TOMM70: variants seen among roughly 807,000 people sequenced by gnomAD.
TOMM70 encodes the protein mitochondrial import receptor subunit TOM70.
TOMM70 carries 13 observed loss-of-function variants against 73.6 expected under a neutral mutation model. The observed-to-expected ratio is 0.18, with a 90% CI of 0.11 to 0.28. TOMM70 has a LOEUF of 0.28. Ranked by LOEUF, TOMM70 falls within the 10% of genes least tolerant of loss-of-function variation. The pLI is 1.00. For synonymous variants in TOMM70, 257 were observed against 271.2 expected (o/e 0.95, Z 0.51); for missense variants, 609 against 747.5 (o/e 0.81, Z 2.16).
chr3:100,384,222 C>T (rs1368588965), intron 4 of TOMM70, among the ~76,000 whole-genome samples: 2 of 152,198 alleles, frequency 1.3e-5, no homozygotes, highest in African/African-American at 4.8e-5. Flanking sequence ...CTGGATTTGG[C>T]CTATGGGCCA....
At chr3:100,385,818 C>T (rs1056570076) in intron 3 of TOMM70, among the ~76,000 whole-genome samples, 9 of 152,148 alleles carry the variant, frequency 5.9e-5, no homozygotes, top group Non-Finnish European at 7.4e-5. Flanking sequence ...TGATTCATCT[C>T]AAAGCTATGT....
intron 5 of TOMM70, among the ~76,000 whole-genome samples, chr3:100,381,412 A>C (rs986123896): frequency 6.6e-6 from 1 of 152,162 alleles, no homozygotes; most frequent in Non-Finnish European, 1.5e-5. Context: ...ACCCTGAGTT[A>C]CCAGAGAAGT....
At chr3:100,368,952 C>T (rs1248258801) in intron 10 of TOMM70, 86 bp downstream of exon 10, 12 of 897,716 alleles carry the variant, frequency 1.3e-5, no homozygotes, top group Non-Finnish European at 2.1e-5. Context: ...CTACCACAGT[C>T]CCCTTCCTCA....
chr3:100,377,402 A>G (rs1164573553), intron 6 of TOMM70: 4 of 267,992 alleles, frequency 1.5e-5, no homozygotes, highest in East Asian at 7.5e-5. Flanking sequence ...ACAGAATTGC[A>G]TATCACCTTT....
At chr3:100,380,439 G>A (rs1706620675) in intron 5 of TOMM70, among the ~76,000 whole-genome samples, 1 of 152,090 alleles carries the variant, frequency 6.6e-6, no homozygotes, top group African/African-American at 2.4e-5. Context: ...TTATTTATAA[G>A]CATGATTTCT....
intron 1 of TOMM70, among the ~76,000 whole-genome samples, chr3:100,390,263 G>C (rs931582329): frequency 1.3e-5 from 2 of 152,202 alleles, no homozygotes; most frequent in Admixed American, 1.3e-4. Context: ...CTGTAGACTA[G>C]TGTAGGAAAC....
Position 100,377,942 on chromosome 3 carries a change from T to C in TOMM70, c.885-30A>G, listed in dbSNP as rs557676360. 6.3e-6 allele frequency: 10 copies of C among 1,588,038 alleles called. No individual in the cohort carries two copies. In the Admixed American group the frequency reaches 1.3e-4, roughly 21 times the overall value. ...AAATAAAAACAAACATAGGAAATTA[T>C]TTACTAAGAAAAAATTAAATGTGGC... On this transcript the variant is annotated intron_variant, in intron 5 of 11. Coordinates refer to ENST00000284320, the MANE Select transcript of TOMM70 (RefSeq NM_014820.5).
chr3:100,387,489 T>C (rs1706704951), intron 1 of TOMM70, among the ~76,000 whole-genome samples: 2 of 151,800 alleles, frequency 1.3e-5, no homozygotes, highest in South Asian at 4.2e-4. Context: ...CTTGCTATGC[T>C]GCCCAGGCTA....
chr3:100,395,756 T>C (rs1706819338), intron 1 of TOMM70, among the ~76,000 whole-genome samples: 1 of 152,174 alleles, frequency 6.6e-6, no homozygotes, highest in Non-Finnish European at 1.5e-5. Flanking sequence ...ATTCAACACT[T>C]GCTATGCACC....
intron 4 of TOMM70, among the ~76,000 whole-genome samples, chr3:100,382,455 TAAGAGAAAACCC>T (rs1156627287): frequency 2.0e-5 from 3 of 152,178 alleles, no homozygotes; most frequent in African/African-American, 4.8e-5. Context: ...AAAGGAAACC[TAAGAGAAAACCC>T]ATATTGATCT....
At chr3:100,374,174 T>A (rs1706539238) in intron 7 of TOMM70, among the ~76,000 whole-genome samples, 1 of 152,254 alleles carries the variant, frequency 6.6e-6, no homozygotes, top group Non-Finnish European at 1.5e-5. Context: ...TATGTTTAGA[T>A]ATGTTTTAGA....
At chr3:100,369,292 C>T (rs1409482756) in intron 9 of TOMM70, among the ~76,000 whole-genome samples, 157 bp from the exon 10 acceptor site, 1 of 152,098 alleles carries the variant, frequency 6.6e-6, no homozygotes, top group Non-Finnish European at 1.5e-5. Context: ...TCTTAATTAT[C>T]GGAGTTTTTA....
intron 1 of TOMM70, among the ~76,000 whole-genome samples, chr3:100,393,176 C>CAA (rs534479540): frequency 4.5e-5 from 4 of 88,270 alleles, no homozygotes; most frequent in Non-Finnish European, 7.1e-5. Context: ...AACTCTGTCT[C>CAA]AAAAAAAAAA....
chr3:100,380,127 C>T (rs1394271445), intron 5 of TOMM70, among the ~76,000 whole-genome samples: 1 of 152,064 alleles, frequency 6.6e-6, no homozygotes, highest in Non-Finnish European at 1.5e-5. Context: ...GGGTGGATCA[C>T]CTGAGGTCGG....
chr3:100,365,813 G>C, intron 11 of TOMM70, 96 bp from the exon 12 acceptor site: 1 of 1,374,170 alleles, frequency 7.3e-7, no homozygotes, highest in Admixed American at 2.0e-5. Context: ...TGACCACTAA[G>C]TTTCTTCACA....
chr3:100,382,998 GACAA>G (rs748513131), intron 4 of TOMM70, among the ~76,000 whole-genome samples: 21 of 152,086 alleles, frequency 1.4e-4, no homozygotes, highest in African/African-American at 2.4e-4. Flanking sequence ...TTTACAAAGT[GACAA>G]ACAGATTAGA....
intron 1 of TOMM70, among the ~76,000 whole-genome samples, chr3:100,389,789 C>T (rs932747644): frequency 6.6e-6 from 1 of 152,174 alleles, no homozygotes; most frequent in Non-Finnish European, 1.5e-5. Context: ...CGCCTGTAAT[C>T]CCAGCACTTT....
At chr3:100,383,542 A>G (rs1357986463) in intron 4 of TOMM70, among the ~76,000 whole-genome samples, 3 of 151,206 alleles carry the variant, frequency 2.0e-5, no homozygotes, top group African/African-American at 7.3e-5. Context: ...AAAAACAGAG[A>G]GAGAGACTGG....
At chr3:100,386,440 G>A (rs1706693396) in intron 2 of TOMM70, 96 bp from the exon 3 acceptor site, 1 of 1,244,630 alleles carries the variant, frequency 8.0e-7, no homozygotes, top group Non-Finnish European at 1.1e-6. Context: ...AAAAGTCCTA[G>A]AATAAAAAAG....
Sources: gnomAD v4.1 joint callset for allele counts (sites outside exome capture counted in the v4.1 genomes callset) on GRCh38, gnomAD v4.1.1 for gene constraint, MANE v1.5 for transcripts, NCBI Gene and HGNC (gene_info 2026-07-23, HGNC 2026-07-21) for gene names.